Variants in UNC5B observed in about 807,000 individuals in gnomAD.
UNC5B encodes the protein netrin receptor UNC5B.
Under a neutral mutation model 103.7 loss-of-function variants are expected in UNC5B, and 56 were observed. The observed-to-expected ratio is 0.54, with a 90% CI of 0.44 to 0.67. UNC5B has a LOEUF of 0.67. Ranked by LOEUF, UNC5B falls within the 30% of genes least tolerant of loss-of-function variation. UNC5B has a pLI of 0.00. For synonymous variants in UNC5B, 577 were observed against 542.0 expected, an observed-to-expected ratio of 1.06 and a Z score of -0.90; for missense variants, 1,194 against 1,284.5, an observed-to-expected ratio of 0.93 and a Z score of 1.08.
intron 1 of UNC5B, among the ~76,000 whole-genome samples, chr10:71,229,923 G>A (rs915544192): frequency 2.0e-5 from 3 of 152,138 alleles, no homozygotes; most frequent in Admixed American, 6.5e-5. Context: ...GGCACAGAGC[G>A]CGGCATGCAG....
intron 1 of UNC5B, among the ~76,000 whole-genome samples, chr10:71,232,234 C>T (rs1327382478): frequency 6.6e-6 from 1 of 152,256 alleles, no homozygotes; most frequent in Non-Finnish European, 1.5e-5. Flanking sequence ...CCTGGCAAGC[C>T]AGCTGAGCTG....
At position 71,287,774 on chromosome 10, in the gene UNC5B, C is replaced by A. The variant is rs374328402; in HGVS notation, c.901+9C>A. 4 of 1,609,352 alleles carry A rather than the reference C, an allele frequency of 2.5e-6. No homozygotes were observed. The highest frequency in any genetic ancestry group is 1.1e-5 in the South Asian group (1 of 90,364). ...CACCACCATCTGCCCAGGTAAGGAG[C>A]CTTGTCCATGTCCAGCCCCACCCCG... is the stretch of plus-strand genomic sequence containing the variant. On this transcript the variant is annotated intron_variant, in intron 6 of 16. Transcript: ENST00000335350.
At chr10:71,231,938 G>A (rs1235995115) in intron 1 of UNC5B, among the ~76,000 whole-genome samples, 2 of 152,266 alleles carry the variant, frequency 1.3e-5, no homozygotes, top group Non-Finnish European at 2.9e-5. Context: ...TGAGGTAGAG[G>A]ACCCTGGAAC....
chr10:71,238,891 G>A (rs1398796978), intron 1 of UNC5B, among the ~76,000 whole-genome samples: 1 of 152,052 alleles, frequency 6.6e-6, no homozygotes, highest in African/African-American at 2.4e-5. Context: ...ATGATCTCCC[G>A]CCCCAGCCTC....
chr10:71,224,224 T>C (rs1229534186), intron 1 of UNC5B, among the ~76,000 whole-genome samples: 1 of 151,176 alleles, frequency 6.6e-6, no homozygotes, highest in Non-Finnish European at 1.5e-5. Flanking sequence ...CACTTCTGTA[T>C]GTAGACACAG....
At chr10:71,296,500 C>T in intron 14 of UNC5B, 78 bp from the exon 15 acceptor site, 1 of 1,533,230 alleles carries the variant, frequency 6.5e-7, no homozygotes, top group Non-Finnish European at 8.8e-7. Flanking sequence ...AAGCTCCCAA[C>T]CCTCCCTGAG....
At chr10:71,265,450 T>C (rs1245466474) in intron 1 of UNC5B, among the ~76,000 whole-genome samples, 1 of 152,170 alleles carries the variant, frequency 6.6e-6, no homozygotes, top group Non-Finnish European at 1.5e-5. Context: ...CTGTCTTCCC[T>C]GAGCTTATGA....
chr10:71,267,976 C>T (rs1844558007), intron 1 of UNC5B, among the ~76,000 whole-genome samples: 1 of 152,324 alleles, frequency 6.6e-6, no homozygotes, highest in Middle Eastern at 3.4e-3. Context: ...TCTGAGGTCC[C>T]CAGGATGTTC....
intron 13 of UNC5B, among the ~76,000 whole-genome samples, chr10:71,295,004 G>A (rs992876263): frequency 1.3e-5 from 2 of 152,170 alleles, no homozygotes; most frequent in East Asian, 3.9e-4. Flanking sequence ...AGCGCCTCAT[G>A]GTCCTTTCCC....
chr10:71,235,466 G>A (rs1431002757), intron 1 of UNC5B, among the ~76,000 whole-genome samples: 1 of 152,230 alleles, frequency 6.6e-6, no homozygotes, highest in East Asian at 1.9e-4. Context: ...TGCCAGCGTG[G>A]GCTGGGATGG....
intron 1 of UNC5B, among the ~76,000 whole-genome samples, chr10:71,238,672 C>T (rs1843824757): frequency 6.6e-6 from 1 of 152,140 alleles, no homozygotes; most frequent in African/African-American, 2.4e-5. Context: ...CCAGGCTGGT[C>T]TTGAACTCCT....
At chr10:71,254,109 G>A (rs907814178) in intron 1 of UNC5B, among the ~76,000 whole-genome samples, 18 of 152,172 alleles carry the variant, frequency 1.2e-4, no homozygotes, top group Non-Finnish European at 2.6e-4. Context: ...ACTGGACTCC[G>A]AAGTCTGACT....
intron 10 of UNC5B, among the ~76,000 whole-genome samples, 191 bp downstream of exon 10, chr10:71,292,012 A>G (rs562364190): frequency 7.2e-5 from 11 of 152,206 alleles, no homozygotes; most frequent in Non-Finnish European, 1.3e-4. Flanking sequence ...AAGCCTGCCT[A>G]TGCCCTCACT....
chr10:71,222,316 C>CAG, intron 1 of UNC5B, among the ~76,000 whole-genome samples: 1 of 33,244 alleles, frequency 3.0e-5, no homozygotes, highest in African/African-American at 4.6e-5. Flanking sequence ...CCAGAGGTCT[C>CAG]TTAGTGGAAA....
In UNC5B at chr10:71,213,356, G is replaced by A. The variant is rs1843266284; in HGVS notation, c.79+292G>A. The stretch of plus-strand genomic sequence containing the variant: ...GTAGGAGTCAGGGTCTGAGTCTCCG[G>A]GAGGATCCGCCTCCTGGGGACGCCC... On this transcript the variant is annotated intron_variant, in intron 1 of 16. Transcript: ENST00000335350. This position sits in a 1 kb window ranked among gnomAD's most constrained non-coding sequence, Gnocchi z 4.1. Among the ~76,000 whole-genome samples, 1 of 152,100 alleles carries A rather than the reference G, an allele frequency of 6.6e-6. No homozygotes were observed. The highest frequency in any genetic ancestry group is 2.4e-5 in the African/African-American group (1 of 41,422).
At chr10:71,248,842 C>T (rs1238095781) in intron 1 of UNC5B, among the ~76,000 whole-genome samples, 1 of 117,432 alleles carries the variant, frequency 8.5e-6, no homozygotes, top group Non-Finnish European at 1.8e-5. Flanking sequence ...GCTCCTCCCT[C>T]TCTCTGTCTC....
chr10:71,249,404 T>C (rs1844122689), intron 1 of UNC5B, among the ~76,000 whole-genome samples: 1 of 152,204 alleles, frequency 6.6e-6, no homozygotes, highest in African/African-American at 2.4e-5. Context: ...CTTGCAAGGA[T>C]TGAGGGCTCC....
chr10:71,224,281 G>A (rs999611187), intron 1 of UNC5B, among the ~76,000 whole-genome samples: 2 of 143,792 alleles, frequency 1.4e-5, no homozygotes, highest in African/African-American at 5.3e-5. Flanking sequence ...CAGGAAAGCC[G>A]GGGCTGCTGG....
intron 1 of UNC5B, among the ~76,000 whole-genome samples, chr10:71,233,677 G>A (rs1382500594): frequency 5.3e-5 from 8 of 152,248 alleles, no homozygotes; most frequent in Admixed American, 5.2e-4. Context: ...CCTACAGATG[G>A]CAGCTGGGAG....
Sources: gnomAD v4.1 joint callset for allele counts (sites outside exome capture counted in the v4.1 genomes callset) on GRCh38, gnomAD v4.1.1 for gene constraint, Gnocchi (gnomAD v3.1) non-coding constraint, MANE v1.5 for transcripts, NCBI Gene and HGNC (gene_info 2026-07-23, HGNC 2026-07-21) for gene names.